Variants in MAP3K20 observed in about 807,000 individuals in gnomAD.
The protein encoded by MAP3K20 is mitogen-activated protein kinase kinase kinase 20.
MAP3K20 carries 40 observed loss-of-function variants against 85.7 expected under a neutral mutation model. The ratio of observed to expected loss-of-function variants is 0.47; its 90% CI spans 0.36 to 0.61. The LOEUF (loss-of-function observed/expected upper bound fraction) is 0.61, where lower values mean the gene tolerates loss of function less well. Ranked by LOEUF, MAP3K20 falls within the 20% of genes least tolerant of loss-of-function variation. The pLI is 0.00. For synonymous variants in MAP3K20, 325 were observed against 327.7 expected (o/e 0.99, Z 0.09); for missense variants, 817 against 961.7 (o/e 0.85, Z 1.99).
Position 173,217,153 on chromosome 2 carries a change from T to C in MAP3K20, c.890T>C (p.Leu297Pro). Residue 297 changes from leucine to proline, a missense_variant, in exon 11 of 20, where the codon CTA becomes CCA. Physicochemically the swap from Leu to Pro is moderately conservative, Grantham distance 98. Coordinates refer to ENST00000375213, the MANE Select transcript of MAP3K20 (RefSeq NM_016653.3). ...IEATLERLKK[L>P]ERDLSFKEQE... ...GCAACTCTTGAGAGGCTAAAGAAAC[T>C]AGAGCGTGATCTCAGCTTTAAGGAG... The C allele has an allele frequency of 6.2e-7, 1 of 1,602,308 alleles. No individual in the cohort carries two copies.
chr2:173,247,511 A>G (rs1173469303), intron 16 of MAP3K20, among the ~76,000 whole-genome samples: 2 of 148,890 alleles, frequency 1.3e-5, no homozygotes, highest in African/African-American at 4.8e-5. Flanking sequence ...AAATTAAGTG[A>G]AGGGAAGTTT....
intron 16 of MAP3K20, among the ~76,000 whole-genome samples, chr2:173,246,610 G>A (rs1684920307): frequency 6.6e-6 from 1 of 152,166 alleles, no homozygotes; most frequent in South Asian, 2.1e-4. Flanking sequence ...GACTTCGTGT[G>A]TCATAAAAAT....
intron 10 of MAP3K20, chr2:173,210,205 T>G: frequency 4.6e-6 from 1 of 216,304 alleles, no homozygotes. Context: ...TACAAAAAAT[T>G]AGCCAGGTGT....
chr2:173,216,979 TCTC>T lies in MAP3K20; in HGVS notation c.852-131_852-129del, dbSNP rs1684091091. 4 of 831,692 alleles carry T rather than the reference TCTC, an allele frequency of 4.8e-6. No homozygotes were observed. The African/African-American group carries it at 5.3e-5, about 11-fold the overall frequency. 51.5% of individuals were successfully genotyped at this position (831,692 alleles called of 1,614,324 possible). A position where few individuals can be genotyped will look rare whatever the true frequency, so the allele number is the denominator to read the frequency against. On this transcript the variant is annotated intron_variant, in intron 10 of 19. Coordinates refer to ENST00000375213, the MANE Select transcript of MAP3K20 (RefSeq NM_016653.3). ...ATATTTAAGGACATGAAAGATTCCTTCTCCTCCGGCAGTTACCTGGTTGATTTT... is the reference window on the plus strand; with the variant it reads ...ATATTTAAGGACATGAAAGATTCCTTCTCCGGCAGTTACCTGGTTGATTTT...
intron 2 of MAP3K20, among the ~76,000 whole-genome samples, chr2:173,146,488 A>G (rs183633012): frequency 1.6e-4 from 25 of 152,320 alleles, no homozygotes; most frequent in Admixed American, 9.8e-4. Flanking sequence ...TTATGAAATC[A>G]TCACCACAAT....
chr2:173,221,307 G>A (rs200211102), intron 11 of MAP3K20: 3 of 1,613,906 alleles, frequency 1.9e-6, no homozygotes, highest in Non-Finnish European at 2.5e-6. Context: ...ATGCTGATGG[G>A]CTTTGGGGAT....
chr2:173,205,123 T>TAAATAA (rs1182877069), intron 9 of MAP3K20, among the ~76,000 whole-genome samples: 2 of 124,682 alleles, frequency 1.6e-5, no homozygotes, highest in African/African-American at 6.7e-5. Flanking sequence ...AAAAAAAAAA[T>TAAATAA]AAATAAATAA....
intron 2 of MAP3K20, among the ~76,000 whole-genome samples, chr2:173,131,651 A>G (rs1366118252): frequency 6.6e-6 from 1 of 152,226 alleles, no homozygotes; most frequent in African/African-American, 2.4e-5. Flanking sequence ...AAAGTATTTT[A>G]ATCAAAGCTG....
At chr2:173,214,377 A>G (rs1379298663) in intron 10 of MAP3K20, 11 of 152,168 alleles carry the variant, frequency 7.2e-5, no homozygotes, top group Non-Finnish European at 1.6e-4. Flanking sequence ...ACCTGTGGCA[A>G]CCTGCACTGA....
intron 2 of MAP3K20, among the ~76,000 whole-genome samples, chr2:173,103,107 TCAC>T (rs1687681480): frequency 6.6e-6 from 1 of 152,196 alleles, no homozygotes; most frequent in African/African-American, 2.4e-5. Flanking sequence ...TTTATTTTAA[TCAC>T]TTGGTGGCTA....
chr2:173,123,789 T>TA (rs397814054), intron 2 of MAP3K20, among the ~76,000 whole-genome samples: 2 of 151,778 alleles, frequency 1.3e-5, no homozygotes, highest in African/African-American at 4.8e-5. Flanking sequence ...TTTTTTTTTT[T>TA]ATTTCTGGAA....
chr2:173,118,372 T>A (rs1688183667), intron 2 of MAP3K20, among the ~76,000 whole-genome samples: 1 of 152,230 alleles, frequency 6.6e-6, no homozygotes, highest in Admixed American at 6.5e-5. Context: ...TTTGAAATTA[T>A]TTCTAGATTT....
intron 2 of MAP3K20, among the ~76,000 whole-genome samples, chr2:173,133,311 A>C (rs911511916): frequency 6.6e-6 from 1 of 152,194 alleles, no homozygotes; most frequent in African/African-American, 2.4e-5. Context: ...CACAGTTTGG[A>C]AACTACAGTT....
chr2:173,187,632 G>A lies in MAP3K20; in HGVS notation c.415+9G>A, dbSNP rs1690528578. 1 of 1,599,936 alleles carries A rather than the reference G, an allele frequency of 6.3e-7. No individual in the cohort carries two copies. The highest frequency in any genetic ancestry group is 1.8e-5 in the Admixed American group (1 of 56,824). ...CCTCAAGTCAAGAAACGGTAATGTA[G>A]TTATGTTTTTATTTTACCTATTTTA... is the stretch of plus-strand genomic sequence containing the variant. On this transcript the variant is annotated intron_variant, in intron 5 of 19. Coordinates refer to ENST00000375213, the MANE Select transcript of MAP3K20 (RefSeq NM_016653.3).
chr2:173,105,860 T>A (rs949973266), intron 2 of MAP3K20, among the ~76,000 whole-genome samples: 1 of 152,160 alleles, frequency 6.6e-6, no homozygotes, highest in African/African-American at 2.4e-5. Flanking sequence ...ACAGTGTGAG[T>A]GTAATTAACG....
At chr2:173,156,389 G>C (rs1468845132) in intron 2 of MAP3K20, among the ~76,000 whole-genome samples, 3 of 152,200 alleles carry the variant, frequency 2.0e-5, no homozygotes, top group Non-Finnish European at 4.4e-5. Context: ...AAGCATAAGA[G>C]ATTGAGGTCA....
chr2:173,180,769 G>GTA lies in MAP3K20; in HGVS notation c.248-2082_248-2081dup, dbSNP rs1223480176. ...AACTCAAAATGGATCATAAGCCTAA[G>GTA]TATAAGGGTTAAACTATAAACTCTC... On this transcript the variant is annotated intron_variant, in intron 3 of 19. Transcript: ENST00000375213. Among the ~76,000 whole-genome samples, 4 of 152,138 alleles carry GTA rather than the reference G, an allele frequency of 2.6e-5. No homozygotes were observed. The East Asian group carries it at 7.7e-4, about 29-fold the overall frequency.
chr2:173,076,863 C>G (rs958106355), intron 1 of MAP3K20, among the ~76,000 whole-genome samples: 12 of 152,216 alleles, frequency 7.9e-5, no homozygotes, highest in Admixed American at 7.8e-4. Flanking sequence ...GCCTCGCTTG[C>G]CCATGACAGC....
intron 2 of MAP3K20, among the ~76,000 whole-genome samples, chr2:173,155,220 A>G (rs1289119272): frequency 6.6e-6 from 1 of 152,144 alleles, no homozygotes; most frequent in African/African-American, 2.4e-5. Context: ...CAGTTTCCCT[A>G]ATGTGAGAGT....
Sources: gnomAD v4.1 joint callset for allele counts (sites outside exome capture counted in the v4.1 genomes callset) on GRCh38, gnomAD v4.1.1 for gene constraint, MANE v1.5 for transcripts, NCBI Gene and HGNC (gene_info 2026-07-23, HGNC 2026-07-21) for gene names.